Variants in TBC1D16 observed in about 807,000 individuals in gnomAD.
TBC1D16 encodes CTD-2529O21.1.
A neutral mutation model predicts 74.7 loss-of-function variants in TBC1D16; 58 were observed. The observed-to-expected ratio is 0.78, with a 90% confidence interval of 0.63 to 0.97. The LOEUF is 0.97. Ranked by LOEUF, TBC1D16 falls within the 50% of genes least tolerant of loss-of-function variation. TBC1D16 has a pLI of 0.00. For missense variants in TBC1D16, 1,014 were observed against 1,079.5 expected (o/e 0.94, Z 0.85); for synonymous variants, 493 against 474.7 (o/e 1.04, Z -0.50).
In TBC1D16 at chr17:79,939,968, C is replaced by T. The variant is rs1466724628; in HGVS notation, c.*891G>A. On this transcript the variant is annotated 3_prime_UTR_variant, in exon 12 of 12. Coordinates refer to ENST00000310924, the MANE Select transcript of TBC1D16 (RefSeq NM_019020.4). The stretch of plus-strand genomic sequence containing the variant: ...AGGATCTTGCAAACACAAACACGCA[C>T]GCACGTGTGCATGCATGCATGCACG... 2.6e-5 allele frequency: 4 copies of T among 152,200 alleles called. No individual in the cohort carries two copies. Among genetic ancestry groups the T allele is most frequent in the African/African-American group, 9.7e-5 (4 of 41,428 alleles). 9.4% of individuals were successfully genotyped at this position (152,200 alleles called of 1,614,324 possible).
Position 79,941,117 on chromosome 17 carries a change from G to A in TBC1D16, c.2056-10C>T. ...ACAGCAAACTCCTCGCCTGCAGACA[G>A]AGGACGGGGGGTGAGGAGGGGCCGG... On this transcript the variant is annotated splice_polypyrimidine_tract_variant and intron_variant, in intron 11 of 11. Coordinates refer to ENST00000310924, the MANE Select transcript of TBC1D16 (RefSeq NM_019020.4). This position sits in a 1 kb window ranked among gnomAD's most constrained non-coding sequence, Gnocchi z 4.3. The A allele has an allele frequency of 6.4e-7, 1 of 1,559,206 alleles. No homozygotes were observed. Among genetic ancestry groups the A allele is most frequent in the Non-Finnish European group, 8.7e-7 (1 of 1,147,206 alleles).
rs1213431056 is a variant in TBC1D16 at position 79,975,688 on chromosome 17, A to G, written c.780-22870T>C. ...TCATTTTTCCTCCAGTTTGCAACCA[A>G]CTGTGCACAGCTTCGGGACCCCCAG... On this transcript the variant is annotated intron_variant, in intron 3 of 11. Coordinates refer to ENST00000310924, the MANE Select transcript of TBC1D16 (RefSeq NM_019020.4). This position sits in a 1 kb window ranked among gnomAD's most constrained non-coding sequence, Gnocchi z 4.5. 6.6e-6 allele frequency among the ~76,000 whole-genome samples: 1 copy of G among 152,100 alleles called. No individual in the cohort carries two copies. Among genetic ancestry groups the G allele is most frequent in the African/African-American group, 2.4e-5 (1 of 41,410 alleles).
chr17:79,967,728 C>T (rs2033901796), intron 3 of TBC1D16, among the ~76,000 whole-genome samples: 1 of 152,108 alleles, frequency 6.6e-6, no homozygotes, highest in South Asian at 2.1e-4. Flanking sequence ...ACCGTTTTTG[C>T]AGATATTGAC....
At position 79,940,806 on chromosome 17, in the gene TBC1D16, C is replaced by G. The variant is rs1445867109; in HGVS notation, c.*53G>C. On this transcript the variant is annotated 3_prime_UTR_variant, in exon 12 of 12. Coordinates refer to ENST00000310924, the MANE Select transcript of TBC1D16 (RefSeq NM_019020.4). The surrounding 1 kb of genome is among the most constrained non-coding windows in gnomAD (Gnocchi z 5.4). ...CGCCCAGCCCCACCCCCTCCCGTGC[C>G]CAGGGCCTCTGAGGAGGTCCCCTCA... 33 of 1,464,942 alleles carry G rather than the reference C, an allele frequency of 2.3e-5. No homozygotes were observed. In the Admixed American group the frequency reaches 7.7e-4, roughly 34 times the overall value. 90.7% of individuals were successfully genotyped at this position (1,464,942 alleles called of 1,614,324 possible). A position where few individuals can be genotyped will look rare whatever the true frequency, so the allele number is the denominator to read the frequency against.
At chr17:80,012,064 G>A (rs554646583) in intron 2 of TBC1D16, among the ~76,000 whole-genome samples, 1 of 152,212 alleles carries the variant, frequency 6.6e-6, no homozygotes, top group South Asian at 2.1e-4. Context: ...CCAGCACCAC[G>A]CAGTTTCAGG....
intron 3 of TBC1D16, 68 bp from the exon 4 acceptor site, chr17:79,952,886 GGTCATGGGGGA>G (rs1383141780): frequency 6.6e-7 from 1 of 1,526,544 alleles, no homozygotes; most frequent in African/African-American, 1.4e-5. Context: ...GGGGGACGGG[GGTCATGGGGGA>G]GTCATTTAAA....
chr17:80,002,112 G>A (rs558268294), intron 3 of TBC1D16, among the ~76,000 whole-genome samples: 28 of 152,268 alleles, frequency 1.8e-4, no homozygotes, highest in African/African-American at 2.6e-4. Flanking sequence ...AGTCCAGGGC[G>A]ACACCCCCAG....
At chr17:79,969,260 C>T (rs1197835137) in intron 3 of TBC1D16, among the ~76,000 whole-genome samples, 1 of 152,010 alleles carries the variant, frequency 6.6e-6, no homozygotes, top group Non-Finnish European at 1.5e-5. Context: ...GTGGTGCACA[C>T]CTATAATCCC....
chr17:79,960,118 T>G (rs1167118813), intron 3 of TBC1D16, among the ~76,000 whole-genome samples: 1 of 152,048 alleles, frequency 6.6e-6, no homozygotes, highest in Non-Finnish European at 1.5e-5. Flanking sequence ...TAAGAGATAT[T>G]GTTAAGAAAA....
chr17:79,947,654 C>T lies in TBC1D16; in HGVS notation c.1719G>A (p.Glu573=), dbSNP rs753582642. 13 of 1,614,118 alleles carry T rather than the reference C, an allele frequency of 8.1e-6. No homozygotes were observed. The highest frequency in any genetic ancestry group is 1.1e-5 in the Non-Finnish European group (13 of 1,179,998). Residue 573 remains glutamate, a synonymous_variant, in exon 9 of 12, where the codon GAG becomes GAA. Transcript: ENST00000310924. ...TCCCCCTGAGCCTCACCAGTTGTTTCTCCATGTCCTCGTCCCGGGGTGAGC... is the reference window on the plus strand; with the variant it reads ...TCCCCCTGAGCCTCACCAGTTGTTTTTCCATGTCCTCGTCCCGGGGTGAGC... ...FVSSPRDEDM[E]KQLLYLRELL...
intron 1 of TBC1D16, among the ~76,000 whole-genome samples, chr17:80,028,090 G>T (rs536794806): frequency 6.6e-6 from 1 of 151,876 alleles, no homozygotes; most frequent in South Asian, 2.1e-4. Flanking sequence ...CTCCCAGAAT[G>T]CCATCTTCGT....
At chr17:79,974,151 G>C (rs1296085185) in intron 3 of TBC1D16, among the ~76,000 whole-genome samples, 1 of 152,232 alleles carries the variant, frequency 6.6e-6, no homozygotes, top group Non-Finnish European at 1.5e-5. Context: ...GCGGGATGGA[G>C]GGGGAGGGTA....
chr17:80,010,427 T>A lies in TBC1D16; in HGVS notation c.512A>T (p.Asp171Val). ...EEKLAQGLGVDGAQPASQPAC... is the reference protein window; with the variant it reads ...EEKLAQGLGVVGAQPASQPAC... ...AGGCTGCGAGGCTGGCTGGGCACCA[T>A]CCACCCCCAAGCCCTGCGCCAGCTT... Residue 171 changes from aspartate to valine, a missense_variant, in exon 3 of 12, where the codon GAT becomes GTT. Asp to Val is a radical substitution (Grantham distance 152, BLOSUM62 -3). Transcript: ENST00000310924. This position sits in a 1 kb window ranked among gnomAD's most constrained non-coding sequence, Gnocchi z 8.8. 1 of 1,610,364 alleles carries A rather than the reference T, an allele frequency of 6.2e-7. No homozygotes were observed. The highest frequency in any genetic ancestry group is 2.2e-5 in the East Asian group (1 of 44,730).
At position 79,941,811 on chromosome 17, in the gene TBC1D16, G is replaced by T. The variant is rs1304510761; in HGVS notation, c.2055+249C>A. On this transcript the variant is annotated intron_variant, in intron 11 of 11. Transcript: ENST00000310924. The surrounding 1 kb of genome is among the most constrained non-coding windows in gnomAD (Gnocchi z 4.3). ...TCCTCAGCCAGCGAGGGAGGCTCCTGTGTCAGGGCTGGCACCCCAGGAAAG... is the reference window on the plus strand; with the variant it reads ...TCCTCAGCCAGCGAGGGAGGCTCCTTTGTCAGGGCTGGCACCCCAGGAAAG... Among the ~76,000 whole-genome samples, 1 of 152,034 alleles carries T rather than the reference G, an allele frequency of 6.6e-6. No individual in the cohort carries two copies. The highest frequency in any genetic ancestry group is 1.9e-4 in the East Asian group (1 of 5,184).
rs1242491147 is a variant in TBC1D16, at chr17:79,954,715, G to GGCTGCTGTGACTGTGAGA, written c.780-1915_780-1898dup. On this transcript the variant is annotated intron_variant, in intron 3 of 11. Coordinates refer to ENST00000310924, the MANE Select transcript of TBC1D16 (RefSeq NM_019020.4). This position sits in a 1 kb window ranked among gnomAD's most constrained non-coding sequence, Gnocchi z 5.5. ...CTGTCATCTGCTCATTGAACCGCGG[G>GGCTGCTGTGACTGTGAGA]GCTGCTGTGACTGTGAGAGCTGCTG... 6.6e-6 allele frequency among the ~76,000 whole-genome samples: 1 copy of GGCTGCTGTGACTGTGAGA among 152,128 alleles called. No individual in the cohort carries two copies. Among genetic ancestry groups the GGCTGCTGTGACTGTGAGA allele is most frequent in the African/African-American group, 2.4e-5 (1 of 41,426 alleles).
chr17:80,023,316 T>C (rs1598440203), intron 1 of TBC1D16, among the ~76,000 whole-genome samples: 1 of 149,874 alleles, frequency 6.7e-6, no homozygotes, highest in Non-Finnish European at 1.5e-5. Context: ...TCCAGGGGTA[T>C]TGCGAACGGG....
chr17:79,957,889 C>A (rs116290809), intron 3 of TBC1D16, among the ~76,000 whole-genome samples: 1,543 of 149,148 alleles, frequency 0.01, 23 homozygotes, highest in African/African-American at 0.036. Context: ...AAATGAATAG[C>A]CAAAGAAACT....
chr17:79,973,203 T>C (rs1288519120), intron 3 of TBC1D16, among the ~76,000 whole-genome samples: 1 of 152,220 alleles, frequency 6.6e-6, no homozygotes, highest in Non-Finnish European at 1.5e-5. Context: ...AATACTATGT[T>C]TTCCCTATAC....
At chr17:79,991,738 G>A (rs1428201836) in intron 3 of TBC1D16, among the ~76,000 whole-genome samples, 1 of 150,966 alleles carries the variant, frequency 6.6e-6, no homozygotes, top group Non-Finnish European at 1.5e-5. Flanking sequence ...GAGGGCGGGG[G>A]CGTGCACCGC....
Sources: gnomAD v4.1 joint callset for allele counts (sites outside exome capture counted in the v4.1 genomes callset) on GRCh38, gnomAD v4.1.1 for gene constraint, Gnocchi (gnomAD v3.1) non-coding constraint, MANE v1.5 for transcripts, NCBI Gene and HGNC (gene_info 2026-07-23, HGNC 2026-07-21) for gene names.